The following CENPW variants were observed in gnomAD, a reference collection of about 807,000 sequenced individuals.
CENPW encodes the protein centromere protein W.
A neutral mutation model predicts 11.1 loss-of-function variants in CENPW; 3 were observed. That is an observed-to-expected ratio of 0.27 (90% CI 0.12 to 0.70). The LOEUF (loss-of-function observed/expected upper bound fraction) is 0.70. Among genes scored for constraint, CENPW ranks in the 30% least tolerant of loss-of-function variants. The pLI, the probability that CENPW is intolerant of heterozygous loss-of-function variation, is 0.77. For missense variants in CENPW, 100 were observed against 105.6 expected (o/e 0.95, Z 0.23); for synonymous variants, 38 against 42.0 (o/e 0.91, Z 0.37).
At chr6:126,409,354 T>C in the CENPW span, among the ~76,000 whole-genome samples, 1 of 152,334 alleles carries the variant, frequency 6.6e-6, no homozygotes, top group South Asian at 2.1e-4. Context: ...TGTGATTTAT[T>C]CTGGAGAATG....
At chr6:126,408,409 T>C in the CENPW span, among the ~76,000 whole-genome samples, 1 of 152,074 alleles carries the variant, frequency 6.6e-6, no homozygotes, top group Non-Finnish European at 1.5e-5. Flanking sequence ...TATAAAATCA[T>C]CAGATCTCGT....
At chr6:126,465,677 T>A in the CENPW span, among the ~76,000 whole-genome samples, 3 of 151,978 alleles carry the variant, frequency 2.0e-5, no homozygotes, top group Admixed American at 6.6e-5. Context: ...AGAAATTAGC[T>A]GATGAAAAAA....
At chr6:126,403,457 A>G in the CENPW span, among the ~76,000 whole-genome samples, 1 of 152,122 alleles carries the variant, frequency 6.6e-6, no homozygotes, top group Non-Finnish European at 1.5e-5. Context: ...GCTGATATGC[A>G]GAAAATTTTA....
the CENPW span, among the ~76,000 whole-genome samples, chr6:126,397,195 A>G: frequency 6.6e-6 from 1 of 152,184 alleles, no homozygotes; most frequent in South Asian, 2.1e-4. Context: ...ACTTTAGCCC[A>G]TGGTGGCAAG....
chr6:126,457,557 C>G, the CENPW span, among the ~76,000 whole-genome samples: 1 of 151,116 alleles, frequency 6.6e-6, no homozygotes, highest in South Asian at 2.1e-4. Context: ...CTGGGGCCTA[C>G]TGTAATCATT....
At chr6:126,407,054 C>T in the CENPW span, among the ~76,000 whole-genome samples, 5 of 152,200 alleles carry the variant, frequency 3.3e-5, no homozygotes, top group Non-Finnish European at 7.4e-5. Flanking sequence ...TTAAGCCCAT[C>T]ATCCATTAGC....
the CENPW span, among the ~76,000 whole-genome samples, chr6:126,480,170 C>A: frequency 6.6e-6 from 1 of 151,780 alleles, no homozygotes; most frequent in East Asian, 1.9e-4. Context: ...TTTTTAAAGT[C>A]TTTTTTTCTA....
chr6:126,346,268 G>A lies in CENPW; in HGVS notation c.190G>A (p.Ala64Thr), dbSNP rs1170148712. 3 of 1,609,208 alleles carry A rather than the reference G, an allele frequency of 1.9e-6. No individual in the cohort carries two copies. The Admixed American group carries it at 5.0e-5, about 27-fold the overall frequency. Residue 64 changes from alanine to threonine, a missense_variant, in exon 2 of 3, where the codon GCG becomes ACG. Ala to Thr is a moderately conservative substitution (Grantham distance 58). Transcript: ENST00000368328. ...AGAAGAGTCCAGGACAAACGCTTGT[G>A]CGAGTAAATGTAGAGTCATTAACAA... ...LAEESRTNAC[A>T]SKCRVINKEH... is the part of the protein sequence containing the mutation.
chr6:126,381,232 T>A, the CENPW span, among the ~76,000 whole-genome samples: 1 of 152,198 alleles, frequency 6.6e-6, no homozygotes, highest in Non-Finnish European at 1.5e-5. Context: ...ATGATGATAT[T>A]TATTCTTTTT....
At chr6:126,481,316 A>G in the CENPW span, among the ~76,000 whole-genome samples, 1 of 151,820 alleles carries the variant, frequency 6.6e-6, no homozygotes, top group Non-Finnish European at 1.5e-5. Flanking sequence ...TAATTTCTGG[A>G]TCTTTTGATA....
chr6:126,395,652 A>C, the CENPW span, among the ~76,000 whole-genome samples: 1 of 151,992 alleles, frequency 6.6e-6, no homozygotes, highest in Non-Finnish European at 1.5e-5. Context: ...TAGTCTTCAC[A>C]ATTTGGTCTT....
chr6:126,467,629 A>G, the CENPW span, among the ~76,000 whole-genome samples: 8 of 152,182 alleles, frequency 5.3e-5, no homozygotes, highest in Non-Finnish European at 1.2e-4. Context: ...GATATAAATG[A>G]TTGAATAAAT....
the CENPW span, among the ~76,000 whole-genome samples, chr6:126,466,318 AG>A: frequency 2.8e-3 from 423 of 152,260 alleles, 1 homozygote; most frequent in African/African-American, 9.8e-3. Flanking sequence ...ATAAAACTGA[AG>A]GCAAAGGAAA....
At chr6:126,393,935 A>G in the CENPW span, among the ~76,000 whole-genome samples, 1 of 151,826 alleles carries the variant, frequency 6.6e-6, no homozygotes, top group Non-Finnish European at 1.5e-5. Context: ...TTTGTCTGCT[A>G]TACATACAGC....
chr6:126,370,773 G>C, the CENPW span, among the ~76,000 whole-genome samples: 118 of 149,672 alleles, frequency 7.9e-4, no homozygotes, highest in African/African-American at 2.7e-3. Context: ...TTTTTCTTGA[G>C]ATGGAGTCTT....
the CENPW span, among the ~76,000 whole-genome samples, chr6:126,423,491 C>T: frequency 2.0e-5 from 3 of 152,070 alleles, no homozygotes; most frequent in Non-Finnish European, 2.9e-5. Context: ...CTAAAGTCTA[C>T]ATCCATATGA....
the CENPW span, among the ~76,000 whole-genome samples, chr6:126,415,122 G>C: frequency 6.6e-6 from 1 of 152,096 alleles, no homozygotes; most frequent in South Asian, 2.1e-4. Context: ...TCAGTGTGCA[G>C]TCCATCTTGA....
At chr6:126,428,136 C>G in the CENPW span, among the ~76,000 whole-genome samples, 12 of 152,156 alleles carry the variant, frequency 7.9e-5, no homozygotes, top group African/African-American at 2.7e-4. Context: ...ATATCATTTG[C>G]CACAAGGCCC....
At chr6:126,358,429 T>G in the CENPW span, among the ~76,000 whole-genome samples, 1 of 152,196 alleles carries the variant, frequency 6.6e-6, no homozygotes, top group African/African-American at 2.4e-5. Context: ...AGTGTTGGAT[T>G]TTATTGAAAG....
Sources: gnomAD v4.1 joint callset for allele counts (sites outside exome capture counted in the v4.1 genomes callset) on GRCh38, gnomAD v4.1.1 for gene constraint, MANE v1.5 for transcripts, NCBI Gene and HGNC (gene_info 2026-07-23, HGNC 2026-07-21) for gene names.